Variants in GPR63 observed in about 807,000 individuals in gnomAD.
GPR63 encodes G protein-coupled receptor 63, also known as probable G protein-coupled receptor 63.
A neutral mutation model predicts 23.1 loss-of-function variants in GPR63; 12 were observed. The observed-to-expected ratio is 0.52, with a 90% CI of 0.33 to 0.84. The LOEUF (loss-of-function observed/expected upper bound fraction) is 0.84, where lower values mean the gene tolerates loss of function less well. GPR63 is among the 40% of genes least tolerant of loss of function. GPR63 has a pLI of 0.02. For synonymous variants in GPR63, 172 were observed against 191.1 expected (o/e 0.90, Z 0.82); for missense variants, 472 against 515.6 (o/e 0.92, Z 0.82).
At chr6:96,833,042 C>T (rs1279262914) in intron 1 of GPR63, among the ~76,000 whole-genome samples, 1 of 150,074 alleles carries the variant, frequency 6.7e-6, no homozygotes, top group Non-Finnish European at 1.5e-5. Flanking sequence ...AGACTTTCTG[C>T]TAGTGATAGA....
rs549917190 is a variant in GPR63, at chr6:96,825,372, T to C, written c.-151+11896A>G. Among the ~76,000 whole-genome samples the C allele has an allele frequency of 7.2e-5, 11 of 152,112 alleles. No individual in the cohort carries two copies. The East Asian group carries it at 2.1e-3, about 29-fold the overall frequency. The stretch of plus-strand genomic sequence containing the variant: ...CTGGGAGAAACAACATTCAGTGAAA[T>C]GATCAACTCTCAAGTTTGTATAAGA... On this transcript the variant is annotated intron_variant, in intron 1 of 1. Transcript: ENST00000229955.
intron 1 of GPR63, among the ~76,000 whole-genome samples, chr6:96,804,128 T>TG (rs1773839617): frequency 6.6e-6 from 1 of 152,192 alleles, no homozygotes; most frequent in African/African-American, 2.4e-5. Context: ...GTTTTATATT[T>TG]GGAGTGTGCC....
intron 1 of GPR63, among the ~76,000 whole-genome samples, chr6:96,819,987 A>AAC (rs200842471): frequency 0.017 from 2,509 of 150,698 alleles, 71 homozygotes; most frequent in African/African-American, 0.059. Flanking sequence ...AAAAAAAAAA[A>AAC]AAAAACAAAC....
At chr6:96,820,866 C>T (rs566657741) in intron 1 of GPR63, among the ~76,000 whole-genome samples, 3 of 152,252 alleles carry the variant, frequency 2.0e-5, no homozygotes, top group Non-Finnish European at 4.4e-5. Context: ...CTAATCAAAA[C>T]TAAATGTTTA....
chr6:96,821,557 C>G (rs776137334), intron 1 of GPR63, among the ~76,000 whole-genome samples: 4 of 152,174 alleles, frequency 2.6e-5, no homozygotes, highest in Non-Finnish European at 5.9e-5. Flanking sequence ...AATTCTTACT[C>G]AACTTTCTAG....
chr6:96,810,786 G>A (rs1774023546), intron 1 of GPR63, among the ~76,000 whole-genome samples: 1 of 152,124 alleles, frequency 6.6e-6, no homozygotes, highest in African/African-American at 2.4e-5. Context: ...TTCTTTTCTG[G>A]TATGAAATTA....
chr6:96,811,365 G>T (rs1487411960), intron 1 of GPR63, among the ~76,000 whole-genome samples: 3 of 152,188 alleles, frequency 2.0e-5, no homozygotes, highest in African/African-American at 7.2e-5. Context: ...GTGAAATACT[G>T]GCGTTACTCA....
At chr6:96,807,709 AAGG>A in intron 1 of GPR63, among the ~76,000 whole-genome samples, 2 of 152,190 alleles carry the variant, frequency 1.3e-5, no homozygotes, top group Non-Finnish European at 2.9e-5. Context: ...CAGAAGCATA[AAGG>A]AATAGACATA....
intron 1 of GPR63, among the ~76,000 whole-genome samples, chr6:96,822,514 C>A (rs1398862955): frequency 6.6e-6 from 1 of 152,126 alleles, no homozygotes; most frequent in Non-Finnish European, 1.5e-5. Flanking sequence ...CTGAAATTAC[C>A]TTCACTTGCC....
intron 1 of GPR63, among the ~76,000 whole-genome samples, chr6:96,831,720 A>G (rs1774585973): frequency 6.6e-6 from 1 of 152,090 alleles, no homozygotes; most frequent in African/African-American, 2.4e-5. Context: ...CAGCCTAACC[A>G]ACATGGTGAA....
At chr6:96,834,604 T>G (rs976674024) in intron 1 of GPR63, among the ~76,000 whole-genome samples, 1 of 148,604 alleles carries the variant, frequency 6.7e-6, no homozygotes, top group African/African-American at 2.5e-5. Context: ...TGCAACAAAG[T>G]AAAGGTGATT....
intron 1 of GPR63, among the ~76,000 whole-genome samples, chr6:96,822,322 G>A (rs1288050940): frequency 6.6e-6 from 1 of 152,092 alleles, no homozygotes; most frequent in African/African-American, 2.4e-5. Flanking sequence ...TTTTGACCTT[G>A]ATTCACTGCT....
At chr6:96,826,457 T>C (rs1774440802) in intron 1 of GPR63, among the ~76,000 whole-genome samples, 1 of 152,150 alleles carries the variant, frequency 6.6e-6, no homozygotes, top group Non-Finnish European at 1.5e-5. Flanking sequence ...AAATTAAAAA[T>C]TGAAATTAAA....
Position 96,799,566 on chromosome 6 carries a change from A to C in GPR63, c.166T>G (p.Leu56Val). 1.2e-6 allele frequency: 2 copies of C among 1,614,176 alleles called. No homozygotes were observed. The highest frequency in any genetic ancestry group is 2.2e-5 in the South Asian group (2 of 91,082). Reference protein sequence around the residue: ...YSFETMAPTGLSSLTVNSTAV... With the variant: ...YSFETMAPTGVSSLTVNSTAV... Reference sequence around the variant, plus strand: ...GTACTATTCACGGTCAAGGAACTCAAACCAGTGGGAGCCATGGTTTCAAAA... The same window carrying C: ...GTACTATTCACGGTCAAGGAACTCACACCAGTGGGAGCCATGGTTTCAAAA... Residue 56 changes from leucine to valine, a missense_variant, in exon 2 of 2, where the codon TTG becomes GTG. Leu to Val is a conservative substitution (Grantham distance 32). Coordinates refer to ENST00000229955, the MANE Select transcript of GPR63 (RefSeq NM_030784.4).
chr6:96,820,622 G>T (rs1774290926), intron 1 of GPR63, among the ~76,000 whole-genome samples: 1 of 151,700 alleles, frequency 6.6e-6, no homozygotes, highest in Admixed American at 6.6e-5. Context: ...AGCAAAATGA[G>T]CCAAAAAAGC....
intron 1 of GPR63, among the ~76,000 whole-genome samples, chr6:96,813,996 T>A (rs1774103525): frequency 1.3e-5 from 2 of 152,154 alleles, no homozygotes; most frequent in South Asian, 4.2e-4. Context: ...TATAAAAAAA[T>A]TACTATAAAA....
Position 96,798,781 on chromosome 6 carries a change from C to T in GPR63, c.951G>A (p.Leu317=). 6.2e-7 allele frequency: 1 copy of T among 1,614,124 alleles called. No individual in the cohort carries two copies. The highest frequency in any genetic ancestry group is 8.5e-7 in the Non-Finnish European group (1 of 1,180,042). The change falls in exon 2 of 2, where the codon TTG becomes TTA. Residue 317 remains leucine, a synonymous_variant. Coordinates refer to ENST00000229955, the MANE Select transcript of GPR63 (RefSeq NM_030784.4). ...GFKTRAFTTI[L]ILFAVFIVCW... is the part of the protein sequence containing the mutation. ...AGACAATGAAGACAGCAAAGAGAAT[C>T]AAAATAGTGGTGAAGGCACGTGTTT... is the stretch of plus-strand genomic sequence containing the variant.
intron 1 of GPR63, among the ~76,000 whole-genome samples, chr6:96,810,531 G>C (rs1489148167): frequency 6.6e-6 from 1 of 150,946 alleles, no homozygotes; most frequent in African/African-American, 2.4e-5. Context: ...GTTAAATAAA[G>C]TGTGATACAT....
chr6:96,795,351 T>C lies in GPR63; in HGVS notation c.*3121A>G, dbSNP rs1773554471. ...TATGCCTGTAAGCAGTGAGAATTAG[T>C]AGTGGTATCTTTCCCTGCCTCAAGA... On this transcript the variant is annotated 3_prime_UTR_variant, in exon 2 of 2. Coordinates refer to ENST00000229955, the MANE Select transcript of GPR63 (RefSeq NM_030784.4). 6.6e-6 allele frequency: 1 copy of C among 152,200 alleles called. No individual in the cohort carries two copies. The highest frequency in any genetic ancestry group is 2.4e-5 in the African/African-American group (1 of 41,444). The allele number at this position is 152,200 out of a possible 1,614,324, so 9.4% of individuals were successfully genotyped here. A position where few individuals can be genotyped will look rare whatever the true frequency, so the allele number is the denominator to read the frequency against.
Sources: allele counts gnomAD v4.1 joint callset (sites outside exome capture counted in the v4.1 genomes callset), GRCh38; gene constraint gnomAD v4.1.1; transcripts MANE v1.5; gene names NCBI Gene and HGNC (gene_info 2026-07-23, HGNC 2026-07-21).